The following DNAH3 variants were observed in gnomAD, a reference collection of about 807,000 sequenced individuals.
DNAH3 encodes axonemal beta dynein heavy chain 3.
In DNAH3, 332 loss-of-function variants were observed where a neutral mutation model predicts 432.5. The ratio of observed to expected loss-of-function variants is 0.77; its 90% CI spans 0.70 to 0.84. DNAH3 has a LOEUF of 0.84. Among genes scored for constraint, DNAH3 ranks in the 40% least tolerant of loss-of-function variants. The pLI, the probability that DNAH3 is intolerant of heterozygous loss-of-function variation, is 0.00. For synonymous variants in DNAH3, 1,956 were observed against 1,900.2 expected, an observed-to-expected ratio of 1.03 and a Z score of -0.76; for missense variants, 4,861 against 5,114.0, an observed-to-expected ratio of 0.95 and a Z score of 1.51.
At chr16:20,938,473 A>C (rs1017758028) in intron 59 of DNAH3, among the ~76,000 whole-genome samples, 1 of 152,220 alleles carries the variant, frequency 6.6e-6, no homozygotes, top group African/African-American at 2.4e-5. Flanking sequence ...CTGAGGGATT[A>C]CACCACAGAC....
intron 50 of DNAH3, among the ~76,000 whole-genome samples, chr16:20,976,245 T>C (rs560554662): frequency 3.9e-5 from 6 of 152,002 alleles, no homozygotes; most frequent in Non-Finnish European, 8.8e-5. Context: ...TCACCCAGGC[T>C]GTAGTGGTGA....
intron 57 of DNAH3, among the ~76,000 whole-genome samples, chr16:20,947,719 A>G (rs1484255067): frequency 6.6e-6 from 1 of 152,136 alleles, no homozygotes; most frequent in Admixed American, 6.6e-5. Context: ...GTAGTAGAAA[A>G]ATACAATTTC....
intron 27 of DNAH3, among the ~76,000 whole-genome samples, 172 bp downstream of exon 27, chr16:21,057,914 C>T (rs1250261501): frequency 6.6e-6 from 1 of 152,214 alleles, no homozygotes; most frequent in Admixed American, 6.5e-5. Context: ...TGCAGGACAG[C>T]TCGAATCCCA....
chr16:20,969,190 G>GCATGCCTGTATGTATGCATGTC (rs1453183949), intron 52 of DNAH3, among the ~76,000 whole-genome samples: 9 of 150,836 alleles, frequency 6.0e-5, no homozygotes, highest in Non-Finnish European at 1.3e-4. Flanking sequence ...ATATGCATGT[G>GCATGCCTGTATGTATGCATGTC]CATGCCTGTA....
intron 24 of DNAH3, among the ~76,000 whole-genome samples, chr16:21,064,862 TGTG>T (rs2090486733): frequency 2.6e-5 from 1 of 39,084 alleles, no homozygotes; most frequent in African/African-American, 1.1e-4. Context: ...TTGAGGTAGG[TGTG>T]TGTGTGTGTG....
intron 19 of DNAH3, among the ~76,000 whole-genome samples, chr16:21,082,689 C>A (rs2091231080): frequency 6.6e-6 from 1 of 151,864 alleles, no homozygotes; most frequent in Non-Finnish European, 1.5e-5. Context: ...ATTAGCTGGG[C>A]ACGGTGGCAG....
intron 1 of DNAH3, among the ~76,000 whole-genome samples, chr16:21,147,508 A>G (rs1271534906): frequency 6.6e-6 from 1 of 152,170 alleles, no homozygotes; most frequent in Non-Finnish European, 1.5e-5. Flanking sequence ...AAGCCACTCC[A>G]CCAGGTGGAC....
chr16:20,938,911 G>A (rs976231886), intron 59 of DNAH3, among the ~76,000 whole-genome samples: 4 of 152,044 alleles, frequency 2.6e-5, no homozygotes, highest in African/African-American at 9.7e-5. Context: ...TGAGTAGCTG[G>A]TTCTACAATG....
intron 46 of DNAH3, 119 bp from the exon 47 acceptor site, chr16:20,987,567 T>C: frequency 6.5e-7 from 1 of 1,535,252 alleles, no homozygotes; most frequent in Admixed American, 1.8e-5. Context: ...GTTTATAAAA[T>C]GCTTAGCACA....
chr16:21,072,657 C>T (rs2090832621), intron 21 of DNAH3, among the ~76,000 whole-genome samples: 1 of 149,980 alleles, frequency 6.7e-6, no homozygotes, highest in Admixed American at 6.7e-5. Context: ...TTTATTGGGT[C>T]TTTTTTGAGA....
chr16:20,942,913 G>A lies in DNAH3; in HGVS notation c.11512-1370C>T, dbSNP rs369129409. ...AGGTTTTGGGTTTTTTTTCATTGTT[G>A]TTGTTACTGTTTTGAGATAGTGTCT... is the stretch of plus-strand genomic sequence containing the variant. On this transcript the variant is annotated intron_variant, in intron 58 of 61. Transcript: ENST00000261383. 9.5e-4 allele frequency among the ~76,000 whole-genome samples: 144 copies of A among 152,060 alleles called. 4 individuals are homozygous for A. In the South Asian group the frequency reaches 0.029, roughly 31 times the overall value.
At chr16:21,055,706 G>A (rs1487971765) in intron 27 of DNAH3, among the ~76,000 whole-genome samples, 1 of 150,926 alleles carries the variant, frequency 6.6e-6, no homozygotes, top group African/African-American at 2.4e-5. Flanking sequence ...ATGATTTTAT[G>A]CTTCTGAGTC....
Position 21,127,816 on chromosome 16 carries a change from C to T in DNAH3, c.1083-4G>A. The stretch of plus-strand genomic sequence containing the variant: ...AACAAACCTGAGGTCTCTGAATCTG[C>T]CAAAAGAGAGGGAGAAATTTCCTAA... On this transcript the variant is annotated splice_polypyrimidine_tract_variant and splice_region_variant and intron_variant, in intron 7 of 61. Transcript: ENST00000261383. The T allele has an allele frequency of 6.2e-7, 1 of 1,613,744 alleles. No homozygotes were observed.
chr16:20,985,616 A>G, exon 48 of DNAH3: 1 of 1,614,198 alleles, frequency 6.2e-7, no homozygotes. Flanking sequence ...ATCTCATCGT[A>G]GATTTTTTGG....
chr16:21,066,679 C>A (rs1328761621), intron 24 of DNAH3, among the ~76,000 whole-genome samples: 1 of 152,080 alleles, frequency 6.6e-6, no homozygotes, highest in Non-Finnish European at 1.5e-5. Context: ...TGGAACTAAC[C>A]TAAAACTCCC....
intron 1 of DNAH3, among the ~76,000 whole-genome samples, chr16:21,153,584 T>C (rs914172309): frequency 1.3e-5 from 2 of 151,918 alleles, no homozygotes; most frequent in African/African-American, 4.8e-5. Flanking sequence ...ACGTGGAAGG[T>C]TTGTTCTTTC....
At chr16:21,049,648 T>C in exon 31 of DNAH3, 1 of 1,614,188 alleles carries the variant, frequency 6.2e-7, no homozygotes, top group South Asian at 1.1e-5. Flanking sequence ...CATAGCTTTG[T>C]AATCCAAACC....
intron 25 of DNAH3, 124 bp downstream of exon 25, chr16:21,062,358 C>T: frequency 1.4e-6 from 1 of 734,344 alleles, no homozygotes; most frequent in East Asian, 2.6e-5. Flanking sequence ...TCAGTCGTTA[C>T]ATCGTAGAAC....
At chr16:20,964,414 A>C (rs1227666122) in exon 53 of DNAH3, 1 of 1,614,214 alleles carries the variant, frequency 6.2e-7, no homozygotes, top group East Asian at 2.2e-5. Context: ...GTTTTCACCC[A>C]GCCTCATGTA....
Sources: allele counts gnomAD v4.1 joint callset (sites outside exome capture counted in the v4.1 genomes callset), GRCh38; gene constraint gnomAD v4.1.1; transcripts MANE v1.5; gene names NCBI Gene and HGNC (gene_info 2026-07-23, HGNC 2026-07-21).